GLCE: variants seen among roughly 807,000 people sequenced by gnomAD.
GLCE encodes glucuronic acid epimerase.
Under a neutral mutation model 47.9 loss-of-function variants are expected in GLCE, and 19 were observed. The ratio of observed to expected loss-of-function variants is 0.40; its 90% confidence interval spans 0.28 to 0.58. The LOEUF (loss-of-function observed/expected upper bound fraction) is 0.58, where lower values mean the gene tolerates loss of function less well. Among genes scored for constraint, GLCE ranks in the 20% least tolerant of loss-of-function variants. GLCE has a pLI of 0.48. For missense variants in GLCE, 556 were observed against 743.3 expected, an observed-to-expected ratio of 0.75 and a Z score of 2.93; for synonymous variants, 245 against 263.4, an observed-to-expected ratio of 0.93 and a Z score of 0.68.
At chr15:69,244,160 G>T (rs2140422840) in intron 2 of GLCE, among the ~76,000 whole-genome samples, 1 of 152,246 alleles carries the variant, frequency 6.6e-6, no homozygotes, top group Non-Finnish European at 1.5e-5. Context: ...GCTATTGCTG[G>T]ATTTGTGGGG....
intron 1 of GLCE, chr15:69,197,538 A>G (rs2052012320): frequency 6.4e-6 from 1 of 155,912 alleles, no homozygotes; most frequent in Non-Finnish European, 1.4e-5. Flanking sequence ...TAAAACCAGT[A>G]GAGGTGGGTA....
intron 1 of GLCE, among the ~76,000 whole-genome samples, chr15:69,177,158 T>C (rs559972093): frequency 6.6e-6 from 1 of 152,242 alleles, no homozygotes; most frequent in South Asian, 2.1e-4. Context: ...TAGCTGGGAT[T>C]ATAGGCATGC....
At position 69,265,944 on chromosome 15, in the gene GLCE, G is replaced by A. The variant is rs532267688; in HGVS notation, c.830-2276G>A. 2.5e-4 allele frequency among the ~76,000 whole-genome samples: 38 copies of A among 152,274 alleles called. 1 individual carries two copies. In the South Asian group the frequency reaches 7.5e-3, roughly 30 times the overall value. On this transcript the variant is annotated intron_variant, in intron 4 of 4. Coordinates refer to ENST00000261858, the MANE Select transcript of GLCE (RefSeq NM_015554.3). ...TTAATCTTGAGTGGTTCATAAGTCA[G>A]TTCAGAATCCTGCAGTGTTTCAGGG...
At chr15:69,171,481 C>T (rs371005687) in intron 1 of GLCE, among the ~76,000 whole-genome samples, 1 of 151,560 alleles carries the variant, frequency 6.6e-6, no homozygotes, top group Non-Finnish European at 1.5e-5. Flanking sequence ...ACTGCAACCT[C>T]GGCCTCCCAG....
intron 2 of GLCE, among the ~76,000 whole-genome samples, chr15:69,233,818 G>A (rs750642656): frequency 6.6e-6 from 1 of 152,132 alleles, no homozygotes; most frequent in African/African-American, 2.4e-5. Flanking sequence ...TTATTATGAT[G>A]TGTGAGTAAT....
intron 1 of GLCE, among the ~76,000 whole-genome samples, chr15:69,175,340 T>C (rs1402663786): frequency 6.6e-6 from 1 of 152,190 alleles, no homozygotes; most frequent in Non-Finnish European, 1.5e-5. Flanking sequence ...GCCAATGTCT[T>C]TGTCATTAGC....
chr15:69,187,027 T>A (rs1480148120), intron 1 of GLCE, among the ~76,000 whole-genome samples: 3 of 152,206 alleles, frequency 2.0e-5, no homozygotes, highest in South Asian at 2.1e-4. Context: ...GAAATTAAGA[T>A]GACACTAAAG....
chr15:69,222,460 C>T (rs1308416233), intron 2 of GLCE, among the ~76,000 whole-genome samples: 1 of 152,154 alleles, frequency 6.6e-6, no homozygotes, highest in East Asian at 1.9e-4. Flanking sequence ...TCAGGCTCAC[C>T]CTGGTCCCAC....
At chr15:69,169,405 C>A (rs184501733) in intron 1 of GLCE, among the ~76,000 whole-genome samples, 2 of 151,556 alleles carry the variant, frequency 1.3e-5, no homozygotes, top group African/African-American at 4.9e-5. Flanking sequence ...ACACATAATT[C>A]TTTTTTTTAA....
chr15:69,253,144 C>A (rs1249621092), intron 2 of GLCE, among the ~76,000 whole-genome samples: 1 of 152,210 alleles, frequency 6.6e-6, no homozygotes, highest in East Asian at 1.9e-4. Context: ...CCTCCTCATA[C>A]CTCTTTCACC....
chr15:69,261,115 T>C lies in GLCE; in HGVS notation c.615T>C (p.Pro205=), dbSNP rs986392537. 6 of 1,613,168 alleles carry C rather than the reference T, an allele frequency of 3.7e-6. No individual in the cohort carries two copies. Among genetic ancestry groups the C allele is most frequent in the Non-Finnish European group, 5.1e-6 (6 of 1,179,120 alleles). Residue 205 remains proline, a synonymous_variant, in exon 4 of 5, where the codon CCT becomes CCC. Coordinates refer to ENST00000261858, the MANE Select transcript of GLCE (RefSeq NM_015554.3). ...EGVPLSTQWG[P]QGYFYPIQIA... is the part of the protein sequence containing the mutation. ...TGCCATTATCTACACAATGGGGACC[T>C]CAAGGCTATTTCTATCCAATCCAGA... is the stretch of plus-strand genomic sequence containing the variant.
intron 1 of GLCE, among the ~76,000 whole-genome samples, chr15:69,197,672 T>C (rs2052014002): frequency 6.6e-6 from 1 of 152,170 alleles, no homozygotes; most frequent in African/African-American, 2.4e-5. Flanking sequence ...GTTGGTGACC[T>C]TAAATAAGTG....
intron 1 of GLCE, among the ~76,000 whole-genome samples, chr15:69,167,011 TTC>T (rs1361083377): frequency 6.8e-6 from 1 of 147,284 alleles, no homozygotes; most frequent in African/African-American, 2.5e-5. Context: ...AGTTCAGGAG[TTC>T]GAGACCAGCC....
At chr15:69,195,464 AT>A (rs1053940442) in intron 1 of GLCE, among the ~76,000 whole-genome samples, 10 of 152,204 alleles carry the variant, frequency 6.6e-5, no homozygotes, top group African/African-American at 2.4e-4. Flanking sequence ...GTTTGTGTGT[AT>A]TAACAAAATT....
At chr15:69,193,619 G>A (rs1435916099) in intron 1 of GLCE, among the ~76,000 whole-genome samples, 1 of 151,954 alleles carries the variant, frequency 6.6e-6, no homozygotes, top group Non-Finnish European at 1.5e-5. Context: ...TGAACATCTA[G>A]GTATCACTGT....
chr15:69,249,248 T>C (rs929138221), intron 2 of GLCE, among the ~76,000 whole-genome samples: 3 of 152,190 alleles, frequency 2.0e-5, no homozygotes, highest in Non-Finnish European at 2.9e-5. Flanking sequence ...TGCTTAACTG[T>C]CAATCTTCAA....
At chr15:69,265,222 G>A (rs1365065235) in intron 4 of GLCE, among the ~76,000 whole-genome samples, 1 of 151,902 alleles carries the variant, frequency 6.6e-6, no homozygotes, top group African/African-American at 2.4e-5. Context: ...GGAATAACTG[G>A]TTAGGAGAGG....
rs111688440 is a variant in GLCE at position 69,162,538 on chromosome 15, GT to G, written c.-105+1793del. ...TGCCTTAGTCTTTTTCTTCGTGTCAGTTTTTTTTTTTTCTTGTTTTTTGGTT... is the reference window on the plus strand; with the variant it reads ...TGCCTTAGTCTTTTTCTTCGTGTCAGTTTTTTTTTTTCTTGTTTTTTGGTT... On this transcript the variant is annotated intron_variant, in intron 1 of 4. Coordinates refer to ENST00000261858, the MANE Select transcript of GLCE (RefSeq NM_015554.3). 9.9e-3 allele frequency among the ~76,000 whole-genome samples: 1,457 copies of G among 146,544 alleles called. 14 individuals are homozygous for G. Among genetic ancestry groups the G allele is most frequent in the African/African-American group, 0.031 (1,257 of 40,276 alleles).
At chr15:69,222,474 A>G (rs1262890617) in intron 2 of GLCE, among the ~76,000 whole-genome samples, 2 of 152,156 alleles carry the variant, frequency 1.3e-5, no homozygotes, top group Non-Finnish European at 2.9e-5. Context: ...GTCCCACAGG[A>G]AAGAAAGCCC....
Sources: allele counts gnomAD v4.1 joint callset (sites outside exome capture counted in the v4.1 genomes callset), GRCh38; gene constraint gnomAD v4.1.1; transcripts MANE v1.5; gene names NCBI Gene and HGNC (gene_info 2026-07-23, HGNC 2026-07-21).